KIF16B: variants seen among roughly 807,000 people sequenced by gnomAD.
KIF16B encodes kinesin-like protein KIF16B.
A neutral mutation model predicts 156.3 loss-of-function variants in KIF16B; 98 were observed. The ratio of observed to expected loss-of-function variants is 0.63; its 90% CI spans 0.53 to 0.74. The LOEUF (loss-of-function observed/expected upper bound fraction) is 0.74. Ranked by LOEUF, KIF16B falls within the 30% of genes least tolerant of loss-of-function variation. KIF16B has a pLI of 0.00. For missense variants in KIF16B, 1,421 were observed against 1,606.5 expected, an observed-to-expected ratio of 0.88 and a Z score of 1.97; for synonymous variants, 564 against 583.7, an observed-to-expected ratio of 0.97 and a Z score of 0.49.
chr20:16,433,700 G>C (rs1179733707), intron 12 of KIF16B, among the ~76,000 whole-genome samples: 1 of 152,046 alleles, frequency 6.6e-6, no homozygotes, highest in Non-Finnish European at 1.5e-5. Context: ...TGCAAGTGGG[G>C]AAGGATGAAT....
intron 12 of KIF16B, among the ~76,000 whole-genome samples, chr20:16,443,843 T>C (rs866025872): frequency 6.6e-6 from 1 of 152,220 alleles, no homozygotes; most frequent in Non-Finnish European, 1.5e-5. Context: ...TTAGAAAGAC[T>C]TTTATAAGTA....
intron 24 of KIF16B, among the ~76,000 whole-genome samples, chr20:16,322,242 T>C (rs2063782931): frequency 6.6e-6 from 1 of 151,926 alleles, no homozygotes; most frequent in Admixed American, 6.6e-5. Flanking sequence ...AAATCAATAA[T>C]TTGAGGCCTA....
chr20:16,383,435 T>C (rs1042256293), intron 17 of KIF16B, among the ~76,000 whole-genome samples: 3 of 152,164 alleles, frequency 2.0e-5, no homozygotes, highest in Admixed American at 1.3e-4. Flanking sequence ...AAATATTTCA[T>C]TGAAACCTGT....
chr20:16,516,513 T>A (rs575011888), intron 3 of KIF16B, among the ~76,000 whole-genome samples: 1 of 152,250 alleles, frequency 6.6e-6, no homozygotes, highest in South Asian at 2.1e-4. Flanking sequence ...ACATAAAGCA[T>A]CTCCCTGCTT....
At chr20:16,304,075 T>C (rs1371440251) in intron 25 of KIF16B, among the ~76,000 whole-genome samples, 1 of 152,152 alleles carries the variant, frequency 6.6e-6, no homozygotes, top group Non-Finnish European at 1.5e-5. Flanking sequence ...CTGAATGTCA[T>C]TTGGGGAATA....
chr20:16,565,464 T>C (rs1362148064), intron 1 of KIF16B, among the ~76,000 whole-genome samples: 3 of 152,176 alleles, frequency 2.0e-5, no homozygotes, highest in African/African-American at 7.2e-5. Context: ...TACCCAGTTG[T>C]CCCTGGACCA....
At chr20:16,568,127 G>A (rs1055078044) in intron 1 of KIF16B, among the ~76,000 whole-genome samples, 1 of 151,968 alleles carries the variant, frequency 6.6e-6, no homozygotes, top group South Asian at 2.1e-4. Context: ...ACACCCTAAA[G>A]ATATCAAATC....
chr20:16,473,676 G>A (rs145247681), intron 12 of KIF16B, among the ~76,000 whole-genome samples: 98 of 152,004 alleles, frequency 6.4e-4, no homozygotes, highest in African/African-American at 2.2e-3. Flanking sequence ...TGCAGACCTC[G>A]GATTCTCCCA....
intron 24 of KIF16B, among the ~76,000 whole-genome samples, chr20:16,316,714 T>TC (rs2063702984): frequency 6.6e-6 from 1 of 152,162 alleles, no homozygotes; most frequent in African/African-American, 2.4e-5. Flanking sequence ...GACTTTTTTT[T>TC]CTCTCCACAA....
At chr20:16,470,757 A>G (rs916636802) in intron 12 of KIF16B, among the ~76,000 whole-genome samples, 3 of 151,224 alleles carry the variant, frequency 2.0e-5, no homozygotes, top group Admixed American at 6.6e-5. Context: ...TCAGCCTCTC[A>G]AAGTGTTGGG....
intron 25 of KIF16B, among the ~76,000 whole-genome samples, chr20:16,290,283 C>T (rs951001638): frequency 7.2e-5 from 11 of 152,208 alleles, no homozygotes; most frequent in African/African-American, 2.7e-4. Flanking sequence ...TTGATGGCAT[C>T]ACAAAGTCTC....
chr20:16,395,661 GAACT>G (rs140797253), intron 17 of KIF16B, among the ~76,000 whole-genome samples: 25,991 of 151,982 alleles, frequency 0.17, 2,440 homozygotes, highest in African/African-American at 0.26. Flanking sequence ...GCTCAGCACA[GAACT>G]AATTAGGAGC....
chr20:16,514,719 C>T (rs897337224), intron 4 of KIF16B, among the ~76,000 whole-genome samples: 16 of 151,148 alleles, frequency 1.1e-4, no homozygotes, highest in Non-Finnish European at 1.5e-4. Context: ...GGTGAAACCC[C>T]GTCTCTACTA....
At chr20:16,280,774 T>G (rs2063132644) in intron 25 of KIF16B, among the ~76,000 whole-genome samples, 1 of 152,182 alleles carries the variant, frequency 6.6e-6, no homozygotes, top group South Asian at 2.1e-4. Flanking sequence ...TCTTTGGGGC[T>G]GTCCATACTA....
intron 12 of KIF16B, among the ~76,000 whole-genome samples, chr20:16,464,511 A>G (rs934187870): frequency 1.3e-5 from 2 of 152,202 alleles, no homozygotes; most frequent in African/African-American, 4.8e-5. Context: ...TTAAAATATC[A>G]ATATTTACAA....
At chr20:16,358,323 C>T (rs1180038417) in intron 22 of KIF16B, among the ~76,000 whole-genome samples, 1 of 152,204 alleles carries the variant, frequency 6.6e-6, no homozygotes, top group South Asian at 2.1e-4. Flanking sequence ...CATTTACATA[C>T]TTGAACCTTT....
intron 5 of KIF16B, 51 bp from the exon 6 acceptor site, chr20:16,511,578 T>G (rs1304177512): frequency 1.6e-6 from 2 of 1,216,308 alleles, no homozygotes; most frequent in Non-Finnish European, 2.4e-6. Flanking sequence ...CAGACATTAA[T>G]ATCAGTAACA....
intron 10 of KIF16B, among the ~76,000 whole-genome samples, chr20:16,498,293 C>T (rs1403168470): frequency 6.6e-6 from 1 of 152,078 alleles, no homozygotes; most frequent in Non-Finnish European, 1.5e-5. Flanking sequence ...TTAAACTGCA[C>T]TCTTAACATG....
intron 12 of KIF16B, among the ~76,000 whole-genome samples, chr20:16,482,384 C>T (rs1467480860): frequency 6.6e-6 from 1 of 151,988 alleles, no homozygotes; most frequent in Non-Finnish European, 1.5e-5. Flanking sequence ...GAGGGCAAGT[C>T]CAACCTGCCG....
Sources: gnomAD v4.1 joint callset for allele counts (sites outside exome capture counted in the v4.1 genomes callset) on GRCh38, gnomAD v4.1.1 for gene constraint, MANE v1.5 for transcripts, NCBI Gene and HGNC (gene_info 2026-07-23, HGNC 2026-07-21) for gene names.